DPY19L4: variants seen among roughly 807,000 people sequenced by gnomAD.
DPY19L4 encodes probable C-mannosyltransferase DPY19L4.
DPY19L4 carries 97 observed loss-of-function variants against 102.8 expected under a neutral mutation model. The ratio of observed to expected loss-of-function variants is 0.94; its 90% CI spans 0.80 to 1.12. The LOEUF (loss-of-function observed/expected upper bound fraction) is 1.12, where lower values mean the gene tolerates loss of function less well. Among genes scored for constraint, DPY19L4 ranks in the 50% most tolerant of loss-of-function variants. The pLI is 0.00. For missense variants in DPY19L4, 815 were observed against 850.4 expected (o/e 0.96, Z 0.52); for synonymous variants, 252 against 283.1 (o/e 0.89, Z 1.10).
intron 2 of DPY19L4, 86 bp downstream of exon 2, chr8:94,726,527 A>T: frequency 9.1e-7 from 1 of 1,099,270 alleles, no homozygotes; most frequent in East Asian, 2.7e-5. Flanking sequence ...TTAAATATAC[A>T]TATTTTGAGA....
intron 1 of DPY19L4, among the ~76,000 whole-genome samples, chr8:94,724,993 C>T (rs1810626193): frequency 8.3e-6 from 1 of 121,100 alleles, no homozygotes; most frequent in South Asian, 2.4e-4. Flanking sequence ...CAGTCTGAAT[C>T]CACTAAATGT....
Position 94,766,659 on chromosome 8 carries a change from A to T in DPY19L4, c.1149A>T (p.Glu383Asp), listed in dbSNP as rs751953228. Reference sequence around the variant, plus strand: ...ATGGGCACATGCTGAAATTCCTTGAAGTAAAATTTGGACTAAATATGACCA... The same window carrying T: ...ATGGGCACATGCTGAAATTCCTTGATGTAAAATTTGGACTAAATATGACCA... ...KENGHMLKFL[E>D]VKFGLNMTKN... Residue 383 changes from glutamate (E) to aspartate (D), a missense_variant, in exon 11 of 19, where the codon GAA becomes GAT. Glu to Asp is a conservative substitution (Grantham distance 45). Transcript: ENST00000414645. The T allele has an allele frequency of 1.2e-6, 2 of 1,614,024 alleles. No individual in the cohort carries two copies. The highest frequency in any genetic ancestry group is 8.5e-7 in the Non-Finnish European group (1 of 1,179,962).
chr8:94,745,882 G>T (rs1417519105), intron 6 of DPY19L4, among the ~76,000 whole-genome samples: 2 of 151,816 alleles, frequency 1.3e-5, no homozygotes, highest in Admixed American at 6.6e-5. Flanking sequence ...AGCCTCCCGA[G>T]TAGCTGGGAC....
chr8:94,739,788 C>T lies in DPY19L4; in HGVS notation c.609C>T (p.Asn203=), dbSNP rs1458823116. Residue 203 remains asparagine (N), a splice_region_variant and synonymous_variant, in exon 6 of 19, where the codon AAC becomes AAT. Coordinates refer to ENST00000414645, the MANE Select transcript of DPY19L4 (RefSeq NM_181787.3). ...TTACTGTTGCGTGGTTCGTTATTAA[C>T]AGGTAAGAAAGCTGTTTTAATTGAT... The part of the protein sequence containing the change: ...GMLTVAWFVI[N]RVDTTRIEYS... 6.2e-7 allele frequency: 1 copy of T among 1,611,474 alleles called. No individual in the cohort carries two copies. Among genetic ancestry groups the T allele is most frequent in the Non-Finnish European group, 8.5e-7 (1 of 1,179,894 alleles).
intron 13 of DPY19L4, among the ~76,000 whole-genome samples, chr8:94,774,484 A>G (rs1294815159): frequency 6.6e-6 from 1 of 152,030 alleles, no homozygotes; most frequent in South Asian, 2.1e-4. Context: ...GAACATTTTC[A>G]TCTTGTAAAT....
chr8:94,768,700 A>G, intron 12 of DPY19L4, 147 bp downstream of exon 12: 2 of 633,402 alleles, frequency 3.2e-6, no homozygotes, highest in Non-Finnish European at 4.7e-6. Context: ...AAATATCATT[A>G]TAAGATGTGT....
intron 3 of DPY19L4, among the ~76,000 whole-genome samples, chr8:94,737,897 T>C (rs1490598024): frequency 3.9e-5 from 6 of 152,086 alleles, no homozygotes; most frequent in African/African-American, 1.2e-4. Context: ...ATGCTGGCCA[T>C]GTGCCTGTAG....
intron 17 of DPY19L4, among the ~76,000 whole-genome samples, chr8:94,786,337 C>T (rs2130944082): frequency 6.6e-6 from 1 of 152,162 alleles, no homozygotes. Context: ...GTTGCCCAGG[C>T]TGGTCTTGAA....
At chr8:94,763,606 C>T (rs1031660986) in intron 8 of DPY19L4, among the ~76,000 whole-genome samples, 8 of 151,754 alleles carry the variant, frequency 5.3e-5, no homozygotes, top group Admixed American at 1.3e-4. Context: ...CTGTAGCCTC[C>T]GCCTCCCAGG....
At chr8:94,744,688 A>G (rs1811595030) in intron 6 of DPY19L4, 2 of 403,754 alleles carry the variant, frequency 5.0e-6, no homozygotes, top group South Asian at 3.6e-5. Context: ...AAAGAATAAG[A>G]CTCTCTTATG....
At chr8:94,735,435 T>C (rs928643786) in intron 3 of DPY19L4, among the ~76,000 whole-genome samples, 1 of 152,222 alleles carries the variant, frequency 6.6e-6, no homozygotes, top group African/African-American at 2.4e-5. Context: ...TTACTGACTA[T>C]ATCTGTCTTG....
Position 94,792,213 on chromosome 8 carries a change from C to A in DPY19L4, c.*2303C>A, listed in dbSNP as rs1282193158. ...ACTGCAAACCCACTGATACAAGTGC[C>A]TTGAATTTATTATTATTATTATTTT... On this transcript the variant is annotated 3_prime_UTR_variant, in exon 19 of 19. Transcript: ENST00000414645. The A allele has an allele frequency of 1.3e-5, 2 of 151,844 alleles. No homozygotes were observed. The highest frequency in any genetic ancestry group is 2.9e-5 in the Non-Finnish European group (2 of 67,958). The allele number at this position is 151,844 out of a possible 1,614,324, so 9.4% of individuals were successfully genotyped here. A position where few individuals can be genotyped will look rare whatever the true frequency, so the allele number is the denominator to read the frequency against.
rs757486689 is a variant in DPY19L4, at chr8:94,768,439, C to T, written c.1220C>T (p.Ala407Val). 8 of 1,609,652 alleles carry T rather than the reference C, an allele frequency of 5.0e-6. No homozygotes were observed. In the South Asian group the frequency reaches 7.8e-5, roughly 16 times the overall value. Residue 407 changes from alanine (A) to valine (V), a missense_variant, in exon 12 of 19, where the codon GCA becomes GTA. Coordinates refer to ENST00000414645, the MANE Select transcript of DPY19L4 (RefSeq NM_181787.3). Reference sequence around the variant, plus strand: ...CTCCTCTGTCAAGAATCCCTGCAGGCACCATCTCAAGATTTTTTTCTGCGA... The same window carrying T: ...CTCCTCTGTCAAGAATCCCTGCAGGTACCATCTCAAGATTTTTTTCTGCGA... Reference protein sequence around the residue: ...NWLLCQESLQAPSQDFFLRLT... With the variant: ...NWLLCQESLQVPSQDFFLRLT...
chr8:94,754,036 A>G (rs1457066858), intron 6 of DPY19L4, among the ~76,000 whole-genome samples: 4 of 152,082 alleles, frequency 2.6e-5, no homozygotes, highest in Non-Finnish European at 5.9e-5. Flanking sequence ...ACAAAAAATT[A>G]GATGAGCATG....
intron 6 of DPY19L4, among the ~76,000 whole-genome samples, chr8:94,743,930 T>C (rs1007157889): frequency 4.6e-5 from 7 of 151,698 alleles, no homozygotes; most frequent in African/African-American, 1.7e-4. Context: ...TGCTTGAACT[T>C]GAGAGGCGGA....
At chr8:94,727,082 A>T (rs1810722590) in intron 2 of DPY19L4, among the ~76,000 whole-genome samples, 1 of 152,098 alleles carries the variant, frequency 6.6e-6, no homozygotes, top group Non-Finnish European at 1.5e-5. Flanking sequence ...GCCAGCTATG[A>T]CTCATTCTAA....
In DPY19L4 at chr8:94,759,609, C is replaced by T. The variant is rs58392283; in HGVS notation, c.736-2091C>T. Among the ~76,000 whole-genome samples, 3 of 148,074 alleles carry T rather than the reference C, an allele frequency of 2.0e-5. No homozygotes were observed. The East Asian group carries it at 6.0e-4, about 30-fold the overall frequency. ...GCAACCTCTGCCTCCCAGGTTCAAG[C>T]GATTCTCCTGCCTCAGCCTCCCAAG... On this transcript the variant is annotated intron_variant, in intron 7 of 18. Transcript: ENST00000414645.
intron 6 of DPY19L4, among the ~76,000 whole-genome samples, chr8:94,746,251 G>C (rs1586346466): frequency 6.6e-6 from 1 of 150,838 alleles, no homozygotes; most frequent in East Asian, 1.9e-4. Context: ...AGTAGAGACA[G>C]GGTTTCACCA....
At chr8:94,784,881 CTAAT>C (rs1485319291) in intron 17 of DPY19L4, among the ~76,000 whole-genome samples, 1 of 152,076 alleles carries the variant, frequency 6.6e-6, no homozygotes, top group African/African-American at 2.4e-5. Flanking sequence ...AGAATGGTAT[CTAAT>C]TAATTATAGT....
Sources: gnomAD v4.1 joint callset for allele counts (sites outside exome capture counted in the v4.1 genomes callset) on GRCh38, gnomAD v4.1.1 for gene constraint, MANE v1.5 for transcripts, NCBI Gene and HGNC (gene_info 2026-07-23, HGNC 2026-07-21) for gene names.